AGAP1: variants seen among roughly 807,000 people sequenced by gnomAD.
AGAP1 encodes the protein ArfGAP with GTPase domain, ankyrin repeat and PH domain 1.
In AGAP1, 29 loss-of-function variants were observed where a neutral mutation model predicts 105.3. The ratio of observed to expected loss-of-function variants is 0.28; its 90% CI spans 0.21 to 0.38. The LOEUF (loss-of-function observed/expected upper bound fraction) is 0.38. Among genes scored for constraint, AGAP1 ranks in the 10% least tolerant of loss-of-function variants. The probability of loss-of-function intolerance (pLI) is 1.00; values close to 1 mark genes in which losing one functional copy is unlikely to be tolerated. For synonymous variants in AGAP1, 509 were observed against 485.9 expected, an observed-to-expected ratio of 1.05 and a Z score of -0.63; for missense variants, 998 against 1,165.1, an observed-to-expected ratio of 0.86 and a Z score of 2.09.
Position 236,120,095 on chromosome 2 carries a change from C to A in AGAP1, c.2115-97C>A. The A allele has an allele frequency of 6.6e-7, 1 of 1,506,736 alleles. No individual in the cohort carries two copies. The highest frequency in any genetic ancestry group is 8.9e-7 in the Non-Finnish European group (1 of 1,122,090). The allele number at this position is 1,506,736 out of a possible 1,614,324, so 93.3% of individuals were successfully genotyped here. On this transcript the variant is annotated intron_variant, in intron 16 of 17. Coordinates refer to ENST00000304032, the MANE Select transcript of AGAP1 (RefSeq NM_001037131.3). This position sits in a 1 kb window ranked among gnomAD's most constrained non-coding sequence, Gnocchi z 6.0. ...AAGACCTTTGCTTTCTGTTATTTCACTTCCCTCTCGGCTTCTCCCGACCAC... is the reference window on the plus strand; with the variant it reads ...AAGACCTTTGCTTTCTGTTATTTCAATTCCCTCTCGGCTTCTCCCGACCAC...
intron 3 of AGAP1, among the ~76,000 whole-genome samples, chr2:235,735,294 G>C (rs1015615635): frequency 6.6e-6 from 1 of 152,176 alleles, no homozygotes; most frequent in African/African-American, 2.4e-5. Context: ...ACTCCCAAAA[G>C]GGCCCTTTTT....
chr2:236,112,195 C>G (rs1337687805), intron 16 of AGAP1, among the ~76,000 whole-genome samples: 2 of 152,160 alleles, frequency 1.3e-5, no homozygotes, highest in East Asian at 3.9e-4. Flanking sequence ...GAGGACAGAT[C>G]ACCTGAGGTC....
chr2:235,744,558 G>T lies in AGAP1; in HGVS notation c.397-140G>T. The T allele has an allele frequency of 1.0e-6, 1 of 984,360 alleles. No individual in the cohort carries two copies. The highest frequency in any genetic ancestry group is 1.6e-6 in the Non-Finnish European group (1 of 640,548). 61.0% of individuals were successfully genotyped at this position (984,360 alleles called of 1,614,324 possible). On this transcript the variant is annotated intron_variant, in intron 4 of 17. Coordinates refer to ENST00000304032, the MANE Select transcript of AGAP1 (RefSeq NM_001037131.3). The surrounding 1 kb of genome is among the most constrained non-coding windows in gnomAD (Gnocchi z 5.2). ...GGATGCCGTGACAGTGTGTAAAAGT[G>T]ACAGTCAAAAGTCAAGCACCCAGTG... is the stretch of plus-strand genomic sequence containing the variant.
rs1175617570 is a variant in AGAP1, at chr2:235,737,774, C to T, written c.311-3189C>T. Reference sequence around the variant, plus strand: ...CTGGAGAGGTAGGCAGCGAGGGACACTGGCGTTGCAGGGCCCCTGGGACAG... The same window carrying T: ...CTGGAGAGGTAGGCAGCGAGGGACATTGGCGTTGCAGGGCCCCTGGGACAG... On this transcript the variant is annotated intron_variant, in intron 3 of 17. Coordinates refer to ENST00000304032, the MANE Select transcript of AGAP1 (RefSeq NM_001037131.3). The surrounding 1 kb of genome is among the most constrained non-coding windows in gnomAD (Gnocchi z 4.5). Among the ~76,000 whole-genome samples, 3 of 152,128 alleles carry T rather than the reference C, an allele frequency of 2.0e-5. No homozygotes were observed. Among genetic ancestry groups the T allele is most frequent in the Non-Finnish European group, 4.4e-5 (3 of 68,018 alleles).
rs949919819 is a variant in AGAP1 at position 235,964,833 on chromosome 2, G to A, written c.1484-3629G>A. Among the ~76,000 whole-genome samples the A allele has an allele frequency of 1.3e-5, 2 of 152,164 alleles. No homozygotes were observed. Among genetic ancestry groups the A allele is most frequent in the African/African-American group, 2.4e-5 (1 of 41,436 alleles). On this transcript the variant is annotated intron_variant, in intron 12 of 17. Transcript: ENST00000304032. The surrounding 1 kb of genome is among the most constrained non-coding windows in gnomAD (Gnocchi z 4.6). Reference sequence around the variant, plus strand: ...GGAGAAGGACCTCGTGGAGCTGGCCGCACAGTCTAGGCTTGGGGGTAAGGT... The same window carrying A: ...GGAGAAGGACCTCGTGGAGCTGGCCACACAGTCTAGGCTTGGGGGTAAGGT...
intron 13 of AGAP1, among the ~76,000 whole-genome samples, chr2:235,991,932 C>A (rs1406651664): frequency 6.6e-6 from 1 of 152,186 alleles, no homozygotes; most frequent in South Asian, 2.1e-4. Context: ...CAGATTCAGA[C>A]TTGCAAAAAA....
intron 10 of AGAP1, among the ~76,000 whole-genome samples, chr2:235,902,138 C>T (rs2051095142): frequency 6.6e-6 from 1 of 152,116 alleles, no homozygotes; most frequent in African/African-American, 2.4e-5. Context: ...TGTAAGACAG[C>T]TGGATTCTCG....
chr2:235,821,430 C>CTGGA lies in AGAP1; in HGVS notation c.1050+14100_1050+14103dup, dbSNP rs539336701. ...ACGGGGTCTCGCTCTGTCACCCAGG[C>CTGGA]TGGAGTGCAGTGGTGCGATCTTGGC... On this transcript the variant is annotated intron_variant, in intron 9 of 17. Transcript: ENST00000304032. 8.2e-4 allele frequency among the ~76,000 whole-genome samples: 120 copies of CTGGA among 146,888 alleles called. 2 individuals carry two copies. The East Asian group carries it at 0.02, about 25-fold the overall frequency.
At chr2:235,675,118 T>C (rs1244974029) in intron 1 of AGAP1, among the ~76,000 whole-genome samples, 1 of 151,908 alleles carries the variant, frequency 6.6e-6, no homozygotes, top group Non-Finnish European at 1.5e-5. Context: ...AACAATTTGA[T>C]AAAGTTTGAT....
chr2:236,055,888 A>G lies in AGAP1; in HGVS notation c.2114+6607A>G, dbSNP rs1478788093. On this transcript the variant is annotated intron_variant, in intron 16 of 17. Coordinates refer to ENST00000304032, the MANE Select transcript of AGAP1 (RefSeq NM_001037131.3). The surrounding 1 kb of genome is among the most constrained non-coding windows in gnomAD (Gnocchi z 6.2). ...ATGACTGGATGGTCCTCATTAGCAC[A>G]CTGCTAAATATGCTTCAGTTTACTA... 2.6e-5 allele frequency among the ~76,000 whole-genome samples: 4 copies of G among 152,236 alleles called. No homozygotes were observed. Among genetic ancestry groups the G allele is most frequent in the South Asian group, 2.1e-4 (1 of 4,820 alleles).
At chr2:235,939,220 C>A (rs137861425) in intron 12 of AGAP1, among the ~76,000 whole-genome samples, 3 of 152,272 alleles carry the variant, frequency 2.0e-5, no homozygotes, top group African/African-American at 7.2e-5. Context: ...CTGCCTTCCT[C>A]TCCCTTGCCT....
At chr2:235,547,788 C>T (rs773178431) in intron 1 of AGAP1, among the ~76,000 whole-genome samples, 1 of 152,328 alleles carries the variant, frequency 6.6e-6, no homozygotes, top group Non-Finnish European at 1.5e-5. Flanking sequence ...CCACCATGCC[C>T]GGCCATGAGT....
At chr2:235,634,829 T>C (rs1946939853) in intron 1 of AGAP1, among the ~76,000 whole-genome samples, 1 of 152,164 alleles carries the variant, frequency 6.6e-6, no homozygotes, top group Non-Finnish European at 1.5e-5. Flanking sequence ...GAGAATTGAG[T>C]TTACGTACCA....
chr2:235,837,337 C>A (rs1960291971), intron 9 of AGAP1, among the ~76,000 whole-genome samples: 1 of 152,148 alleles, frequency 6.6e-6, no homozygotes, highest in South Asian at 2.1e-4. Context: ...ACAGCGGTTA[C>A]ATTAAAGTAA....
intron 1 of AGAP1, among the ~76,000 whole-genome samples, chr2:235,565,193 A>T (rs1383894748): frequency 1.4e-5 from 2 of 144,176 alleles, no homozygotes; most frequent in East Asian, 4.3e-4. Context: ...GTGAGCCAGG[A>T]GCATCCTCCC....
intron 16 of AGAP1, among the ~76,000 whole-genome samples, chr2:236,102,449 G>A (rs967285255): frequency 4.7e-5 from 7 of 148,824 alleles, no homozygotes; most frequent in Admixed American, 2.0e-4. Context: ...TTAGCTGGGT[G>A]TGGTGGCTCA....
intron 6 of AGAP1, among the ~76,000 whole-genome samples, chr2:235,773,409 T>C (rs1955611836): frequency 6.6e-6 from 1 of 152,192 alleles, no homozygotes; most frequent in African/African-American, 2.4e-5. Flanking sequence ...GTTACAAAGT[T>C]ACACTCCTAT....
intron 9 of AGAP1, among the ~76,000 whole-genome samples, chr2:235,847,880 T>A (rs973124144): frequency 6.6e-6 from 1 of 152,228 alleles, no homozygotes; most frequent in Admixed American, 6.5e-5. Flanking sequence ...ACATGATGGA[T>A]CTTACCAGGC....
chr2:235,507,528 T>G (rs1261730870), intron 1 of AGAP1: 1 of 152,238 alleles, frequency 6.6e-6, no homozygotes, highest in African/African-American at 2.4e-5. Context: ...TCCTCCTGGT[T>G]TCTTCCCTTC....
Sources: allele counts gnomAD v4.1 joint callset (sites outside exome capture counted in the v4.1 genomes callset), GRCh38; gene constraint gnomAD v4.1.1; non-coding constraint Gnocchi (gnomAD v3.1); transcripts MANE v1.5; gene names NCBI Gene and HGNC (gene_info 2026-07-23, HGNC 2026-07-21).